The following PCDH19 variants were observed in gnomAD, a reference collection of about 807,000 sequenced individuals.
PCDH19 encodes protocadherin 19.
Under a neutral mutation model 46.2 loss-of-function variants are expected in PCDH19, and 6 were observed. The observed-to-expected ratio is 0.13, with a 90% CI of 0.07 to 0.26. The LOEUF (loss-of-function observed/expected upper bound fraction) is 0.26, where lower values mean the gene tolerates loss of function less well. Ranked by LOEUF, PCDH19 falls within the 10% of genes least tolerant of loss-of-function variation. The pLI is 1.00. For synonymous variants in PCDH19, 481 were observed against 415.7 expected, an observed-to-expected ratio of 1.16 and a Z score of -1.91; for missense variants, 740 against 972.3, an observed-to-expected ratio of 0.76 and a Z score of 3.18.
intron 5 of PCDH19, among the ~76,000 whole-genome samples, chrX:100,308,418 G>A (rs1925018617): frequency 9.0e-6 from 1 of 111,488 alleles, no homozygotes; most frequent in Non-Finnish European, 1.9e-5. Flanking sequence ...TCTAAGACCT[G>A]AAACCATAAA....
intron 3 of PCDH19, among the ~76,000 whole-genome samples, chrX:100,378,956 G>C (rs766333267): frequency 9.0e-6 from 1 of 111,262 alleles, no homozygotes; most frequent in South Asian, 3.8e-4. Flanking sequence ...AGACAAACAT[G>C]GATCACTCTC....
At chrX:100,389,564 C>T (rs1214523108) in intron 3 of PCDH19, among the ~76,000 whole-genome samples, 1 of 111,094 alleles carries the variant, frequency 9.0e-6, no homozygotes, top group Non-Finnish European at 1.9e-5. Flanking sequence ...AAAATGGTAA[C>T]TATATGAGGT....
At position 100,408,514 on chromosome X, in the gene PCDH19, C is replaced by T. The variant is rs756232030; in HGVS notation, c.84G>A (p.Ser28=). ...TCCCGGCGCGCTGCTCCTCTTCTAC[C>T]GAGTACTTGAGATTAATGAGGGCGG... ...QAAALINLKY[S]VEEEQRAGTV... The change falls in exon 1 of 6, where the codon TCG becomes TCA. Residue 28 remains serine, a synonymous_variant. Coordinates refer to ENST00000373034, the MANE Select transcript of PCDH19 (RefSeq NM_001184880.2). 3.3e-6 allele frequency: 4 copies of T among 1,200,051 alleles called. No homozygotes were observed. The highest frequency in any genetic ancestry group is 1.8e-5 in the African/African-American group (1 of 57,104).
chrX:100,301,108 C>CATCT (rs1400216009), intron 5 of PCDH19, among the ~76,000 whole-genome samples: 5 of 111,322 alleles, frequency 4.5e-5, no homozygotes, highest in Non-Finnish European at 9.4e-5. Flanking sequence ...ATGAAACTGC[C>CATCT]ATCTCCTCAG....
intron 3 of PCDH19, among the ~76,000 whole-genome samples, chrX:100,394,612 A>C (rs1278046028): frequency 8.9e-6 from 1 of 112,136 alleles, no homozygotes; most frequent in Non-Finnish European, 1.9e-5. Flanking sequence ...AGAGAAAAGG[A>C]TGGGAAGATG....
At position 100,343,976 on chromosome X, in the gene PCDH19, A is replaced by C. The variant is rs779849792; in HGVS notation, c.2676-1901T>G. Among the ~76,000 whole-genome samples the C allele has an allele frequency of 9.8e-5, 11 of 111,885 alleles. No homozygotes were observed. In the South Asian group the frequency reaches 4.2e-3, roughly 42 times the overall value. ...GGATACATTGTCACCCTCCACACTT[A>C]GTCAAGAAGAATCACAGCAGATTTT... On this transcript the variant is annotated intron_variant, in intron 4 of 5. Transcript: ENST00000373034.
At chrX:100,309,803 A>C (rs1313986991) in intron 5 of PCDH19, among the ~76,000 whole-genome samples, 1 of 112,469 alleles carries the variant, frequency 8.9e-6, no homozygotes, top group Admixed American at 9.4e-5. Flanking sequence ...CCTGGTTAGC[A>C]TAACTTGGCA....
chrX:100,328,242 C>T (rs1030968109), intron 5 of PCDH19, among the ~76,000 whole-genome samples: 2 of 111,466 alleles, frequency 1.8e-5, no homozygotes, highest in South Asian at 7.6e-4. Context: ...GACAGGTAAA[C>T]GAAAGCACAG....
At position 100,354,233 on chromosome X, in the gene PCDH19, G is replaced by A. The variant is rs137880713; in HGVS notation, c.2617-3529C>T. ...GAGAGTATATTTTTTCACACTTCTG[G>A]TGGAGCAAAGGATGAGACTCAGATC... On this transcript the variant is annotated intron_variant, in intron 3 of 5. Transcript: ENST00000373034. Among the ~76,000 whole-genome samples, 981 of 111,660 alleles carry A rather than the reference G, an allele frequency of 8.8e-3. 9 individuals carry two copies. Among genetic ancestry groups the A allele is most frequent in the African/African-American group, 0.03 (922 of 30,709 alleles).
At chrX:100,359,250 C>A (rs1926804151) in intron 3 of PCDH19, among the ~76,000 whole-genome samples, 1 of 111,623 alleles carries the variant, frequency 9.0e-6, no homozygotes, top group African/African-American at 3.3e-5. Flanking sequence ...TAGCCTGCTT[C>A]CTACCTATGT....
At chrX:100,335,500 A>G (rs1363515589) in intron 5 of PCDH19, among the ~76,000 whole-genome samples, 1 of 112,166 alleles carries the variant, frequency 8.9e-6, no homozygotes, top group Non-Finnish European at 1.9e-5. Flanking sequence ...ATATTTCATG[A>G]CATTCCCATT....
At chrX:100,344,824 C>A (rs1926349303) in intron 4 of PCDH19, among the ~76,000 whole-genome samples, 1 of 104,215 alleles carries the variant, frequency 9.6e-6, no homozygotes, top group African/African-American at 3.5e-5. Context: ...AGGTGTTTAG[C>A]AACATCCCTG....
chrX:100,379,498 T>C (rs899207759), intron 3 of PCDH19, among the ~76,000 whole-genome samples: 1 of 112,039 alleles, frequency 8.9e-6, no homozygotes, highest in Admixed American at 9.5e-5. Flanking sequence ...CTTTGAGGAA[T>C]GTAAAGATGA....
At chrX:100,314,559 C>T (rs1424539867) in intron 5 of PCDH19, among the ~76,000 whole-genome samples, 1 of 112,087 alleles carries the variant, frequency 8.9e-6, no homozygotes, top group East Asian at 2.8e-4. Context: ...GTTATGCTCA[C>T]ATCTTGCCTT....
At chrX:100,342,470 T>C in intron 4 of PCDH19, among the ~76,000 whole-genome samples, 1 of 112,233 alleles carries the variant, frequency 8.9e-6, no homozygotes, top group East Asian at 2.8e-4. Context: ...TTTTAAGTGT[T>C]TGACATTAAT....
chrX:100,334,181 G>A (rs1164532965), intron 5 of PCDH19, among the ~76,000 whole-genome samples: 2 of 110,110 alleles, frequency 1.8e-5, no homozygotes, highest in Non-Finnish European at 3.8e-5. Flanking sequence ...AAACACACAT[G>A]CACACACACA....
chrX:100,346,192 C>T (rs764197704), intron 4 of PCDH19, among the ~76,000 whole-genome samples: 12 of 111,869 alleles, frequency 1.1e-4, no homozygotes, highest in Non-Finnish European at 2.1e-4. Context: ...TCAGCAGATG[C>T]ATGACGAATG....
chrX:100,359,794 T>A (rs1417012623), intron 3 of PCDH19, among the ~76,000 whole-genome samples: 1 of 80,418 alleles, frequency 1.2e-5, no homozygotes, highest in South Asian at 1.1e-3. Flanking sequence ...CATATAAGAG[T>A]GTGTGTGTGT....
At chrX:100,342,110 G>A (rs892075319) in intron 4 of PCDH19, 35 bp from the exon 5 acceptor site, 7 of 1,160,088 alleles carry the variant, frequency 6.0e-6, no homozygotes, top group Non-Finnish European at 5.9e-6. Context: ...TTACGACCGT[G>A]ACAGATCTGA....
Sources: gnomAD v4.1 joint callset for allele counts (sites outside exome capture counted in the v4.1 genomes callset) on GRCh38, gnomAD v4.1.1 for gene constraint, MANE v1.5 for transcripts, NCBI Gene and HGNC (gene_info 2026-07-23, HGNC 2026-07-21) for gene names.